CREB3L3: variants seen among roughly 807,000 people sequenced by gnomAD.
CREB3L3 encodes cyclic AMP-responsive element-binding protein 3-like protein 3.
A neutral mutation model predicts 44.6 loss-of-function variants in CREB3L3; 40 were observed. That is an observed-to-expected ratio of 0.90 (90% CI 0.70 to 1.17). The LOEUF is 1.17. Ranked by LOEUF, CREB3L3 falls within the 50% of genes most tolerant of loss-of-function variation. The pLI, the probability that CREB3L3 is intolerant of heterozygous loss-of-function variation, is 0.00. For synonymous variants in CREB3L3, 273 were observed against 256.3 expected (o/e 1.06, Z -0.62); for missense variants, 578 against 595.8 (o/e 0.97, Z 0.31).
rs2041596558 is a variant in CREB3L3 at position 4,157,245 on chromosome 19, C to T, written c.407C>T (p.Thr136Ile). 1 of 1,614,064 alleles carries T rather than the reference C, an allele frequency of 6.2e-7. No homozygotes were observed. Among genetic ancestry groups the T allele is most frequent in the Non-Finnish European group, 8.5e-7 (1 of 1,180,038 alleles). ...YHPGNSCSTT[T>I]PGPVIQVPEA... ...CCTGGCAACTCTTGCTCCACCACAA[C>T]CCCAGGGCCAGTGATCCAAGTACCT... is the stretch of plus-strand genomic sequence containing the variant. Residue 136 changes from threonine (T) to isoleucine (I), a missense_variant, in exon 3 of 10, where the codon ACC becomes ATC. Physicochemically the swap from Thr to Ile is moderately conservative, Grantham distance 89. Transcript: ENST00000078445.
chr19:4,155,753 T>C lies in CREB3L3; in HGVS notation c.156+726T>C, dbSNP rs111756341. ...TTTCTCCCTCTTTCTTTTACTCTCTTTTTTTTTTTTTGAGATAGAGTTTCA... is the reference window on the plus strand; with the variant it reads ...TTTCTCCCTCTTTCTTTTACTCTCTCTTTTTTTTTTTGAGATAGAGTTTCA... On this transcript the variant is annotated intron_variant, in intron 2 of 9. Transcript: ENST00000078445. Among the ~76,000 whole-genome samples, 910 of 148,494 alleles carry C rather than the reference T, an allele frequency of 6.1e-3. 13 individuals carry two copies. Among genetic ancestry groups the C allele is most frequent in the African/African-American group, 0.021 (866 of 40,578 alleles).
chr19:4,157,192 TGGCAA>T lies in CREB3L3; in HGVS notation c.357_361del (p.Lys120AlafsTer24). On this transcript the variant is annotated frameshift_variant, in exon 3 of 10. Coordinates refer to ENST00000078445, the MANE Select transcript of CREB3L3 (RefSeq NM_032607.3). LOFTEE classifies it high-confidence loss of function. The stretch of plus-strand genomic sequence containing the variant: ...CCGCCGGCTGCCATCCTGCCCAGCC[TGGCAA>T]GGGGCCCTGCCTCTCCTATCATCCT... 1 of 1,614,026 alleles carries T rather than the reference TGGCAA, an allele frequency of 6.2e-7. No individual in the cohort carries two copies. The highest frequency in any genetic ancestry group is 8.5e-7 in the Non-Finnish European group (1 of 1,179,994).
rs775572857 is a variant in CREB3L3 at position 4,159,619 on chromosome 19, C to G, written c.458-45C>G. 1.0e-5 allele frequency: 9 copies of G among 890,026 alleles called. No individual in the cohort carries two copies. In the Admixed American group the frequency reaches 1.5e-4, roughly 15 times the overall value. 55.1% of individuals were successfully genotyped at this position (890,026 alleles called of 1,614,324 possible). On this transcript the variant is annotated intron_variant, in intron 3 of 9. Coordinates refer to ENST00000078445, the MANE Select transcript of CREB3L3 (RefSeq NM_032607.3). ...AGAGGCTGGAAGCTCAGGACTCCCC[C>G]CGTCTGACACTCTCCCTGTCTCCGT...
chr19:4,167,436 G>GGAAA (rs1053265411), intron 5 of CREB3L3, among the ~76,000 whole-genome samples: 2 of 78,668 alleles, frequency 2.5e-5, no homozygotes. Flanking sequence ...AAGAAAGAAA[G>GGAAA]GAAAGAAAGA....
intron 6 of CREB3L3, among the ~76,000 whole-genome samples, chr19:4,169,739 A>C (rs934178823): frequency 2.8e-4 from 43 of 151,822 alleles, no homozygotes; most frequent in African/African-American, 9.9e-4. Flanking sequence ...AGCTGGAATT[A>C]TAGGCGCCCA....
chr19:4,163,581 C>T (rs530410286), intron 4 of CREB3L3, among the ~76,000 whole-genome samples: 1 of 152,228 alleles, frequency 6.6e-6, no homozygotes, highest in African/African-American at 2.4e-5. Context: ...GGCTGGATCT[C>T]AGATCACTGC....
intron 3 of CREB3L3, among the ~76,000 whole-genome samples, chr19:4,157,787 G>A (rs2041605199): frequency 6.6e-6 from 1 of 152,204 alleles, no homozygotes; most frequent in Non-Finnish European, 1.5e-5. Context: ...CCAGGTTCAA[G>A]CAATTCACCT....
chr19:4,157,083 C>G lies in CREB3L3; in HGVS notation c.245C>G (p.Pro82Arg), dbSNP rs770411853. The G allele has an allele frequency of 3.1e-6, 5 of 1,614,040 alleles. No homozygotes were observed. Among genetic ancestry groups the G allele is most frequent in the Non-Finnish European group, 4.2e-6 (5 of 1,179,998 alleles). Reference sequence around the variant, plus strand: ...CTGCCCAGCTCCCCACTCTGGTCCCCCGAAGGCAGTGATAGTGGCATCTCC... The same window carrying G: ...CTGCCCAGCTCCCCACTCTGGTCCCGCGAAGGCAGTGATAGTGGCATCTCC... ...DSLPSSPLWS[P>R]EGSDSGISED... Residue 82 changes from proline to arginine, a missense_variant, in exon 3 of 10, where the codon CCC becomes CGC. Transcript: ENST00000078445.
chr19:4,162,183 T>C (rs2041669803), intron 4 of CREB3L3, among the ~76,000 whole-genome samples: 1 of 152,068 alleles, frequency 6.6e-6, no homozygotes, highest in Non-Finnish European at 1.5e-5. Flanking sequence ...TTTTTGTATT[T>C]TTAGTAGAGA....
rs2041538200 is a variant in CREB3L3 at position 4,153,747 on chromosome 19, C to G, written c.-1C>G. The G allele has an allele frequency of 3.1e-6, 5 of 1,614,110 alleles. No individual in the cohort carries two copies. Among genetic ancestry groups the G allele is most frequent in the African/African-American group, 2.7e-5 (2 of 75,044 alleles). On this transcript the variant is annotated 5_prime_UTR_variant, in exon 1 of 10. Transcript: ENST00000078445. ...ATCTGCAGACAGAACTGGATGGACCCATGAATACGGATTTAGCTGCTGGAA... is the reference window on the plus strand; with the variant it reads ...ATCTGCAGACAGAACTGGATGGACCGATGAATACGGATTTAGCTGCTGGAA...
chr19:4,164,654 G>A lies in CREB3L3; in HGVS notation c.714+14G>A, dbSNP rs373411681. On this transcript the variant is annotated intron_variant, in intron 5 of 9. Coordinates refer to ENST00000078445, the MANE Select transcript of CREB3L3 (RefSeq NM_032607.3). ...CCCCTCACTAAGGTGAGTCTGGGGG[G>A]ACTTCCAGCCCTGGATCCATCTCCC... The A allele has an allele frequency of 2.5e-6, 4 of 1,613,816 alleles. No individual in the cohort carries two copies. The highest frequency in any genetic ancestry group is 2.2e-5 in the East Asian group (1 of 44,864).
chr19:4,171,695 T>C lies in CREB3L3; in HGVS notation c.1112T>C (p.Val371Ala). The stretch of plus-strand genomic sequence containing the variant: ...TTGCACAACGATGCTGCCTCCCGCG[T>C]GGCTGCTGATGCTGTGCCAGGCTCC... ...RTLHNDAASR[V>A]AADAVPGSEA... Residue 371 changes from valine to alanine, a missense_variant, in exon 10 of 10, where the codon GTG (valine) becomes GCG (alanine). By Grantham distance (64) the Val-to-Ala change is moderately conservative. Transcript: ENST00000078445. This position sits in a 1 kb window ranked among gnomAD's most constrained non-coding sequence, Gnocchi z 4.9. 1 of 1,613,266 alleles carries C rather than the reference T, an allele frequency of 6.2e-7. No homozygotes were observed. Among genetic ancestry groups the C allele is most frequent in the Non-Finnish European group, 8.5e-7 (1 of 1,180,016 alleles).
At chr19:4,163,900 G>A (rs1304026515) in intron 4 of CREB3L3, among the ~76,000 whole-genome samples, 1 of 150,946 alleles carries the variant, frequency 6.6e-6, no homozygotes, top group Non-Finnish European at 1.5e-5. Context: ...TGCTTCCCGG[G>A]TTCAAGCAGT....
intron 4 of CREB3L3, 51 bp downstream of exon 4, chr19:4,159,833 C>T (rs374133931): frequency 4.0e-4 from 338 of 846,130 alleles, no homozygotes; most frequent in Non-Finnish European, 5.9e-4. Context: ...GAGGGCTGCT[C>T]GGGTTCGAGG....
At chr19:4,170,944 A>C (rs1458771057) in intron 7 of CREB3L3, 147 bp from the exon 8 acceptor site, 2 of 385,350 alleles carry the variant, frequency 5.2e-6, no homozygotes, top group East Asian at 9.3e-5. Context: ...CAAATAAATA[A>C]ATAAATAAAA....
At chr19:4,157,890 G>A (rs185217033) in intron 3 of CREB3L3, among the ~76,000 whole-genome samples, 147 of 151,882 alleles carry the variant, frequency 9.7e-4, no homozygotes, top group African/African-American at 3.4e-3. Context: ...TCACCATGTT[G>A]GCCAGGCTGG....
chr19:4,162,729 A>G (rs1284508600), intron 4 of CREB3L3, among the ~76,000 whole-genome samples: 1 of 151,830 alleles, frequency 6.6e-6, no homozygotes, highest in Non-Finnish European at 1.5e-5. Flanking sequence ...CTGTAATCCC[A>G]GGAATTTGGG....
At chr19:4,155,163 C>A in intron 2 of CREB3L3, 136 bp downstream of exon 2, 2 of 1,119,480 alleles carry the variant, frequency 1.8e-6, no homozygotes, top group Admixed American at 2.1e-5. Flanking sequence ...GGTCACGGTG[C>A]TTGATTTTAG....
chr19:4,164,727 AGAG>A, intron 5 of CREB3L3, 87 bp downstream of exon 5: 2 of 1,464,620 alleles, frequency 1.4e-6, no homozygotes, highest in Non-Finnish European at 1.9e-6. Flanking sequence ...TTATTTATTT[AGAG>A]TAGAGTCTTT....
Sources: allele counts gnomAD v4.1 joint callset (sites outside exome capture counted in the v4.1 genomes callset), GRCh38; gene constraint gnomAD v4.1.1; non-coding constraint Gnocchi (gnomAD v3.1); transcripts MANE v1.5; gene names NCBI Gene and HGNC (gene_info 2026-07-23, HGNC 2026-07-21).